The following HIBADH variants were observed in gnomAD, a reference collection of about 807,000 sequenced individuals.
HIBADH encodes 3-hydroxyisobutyrate dehydrogenase.
HIBADH carries 25 observed loss-of-function variants against 36.1 expected under a neutral mutation model. The ratio of observed to expected loss-of-function variants is 0.69; its 90% CI spans 0.50 to 0.97. HIBADH has a LOEUF of 0.97. Among genes scored for constraint, HIBADH ranks in the 50% least tolerant of loss-of-function variants. The pLI is 0.00. For missense variants in HIBADH, 421 were observed against 418.0 expected (o/e 1.01, Z -0.06); for synonymous variants, 160 against 149.5 (o/e 1.07, Z -0.51).
chr7:27,564,365 A>C (rs1423682809), intron 4 of HIBADH, among the ~76,000 whole-genome samples: 1 of 152,132 alleles, frequency 6.6e-6, no homozygotes, highest in Non-Finnish European at 1.5e-5. Flanking sequence ...ATAAGATGTG[A>C]GCTATAGATC....
chr7:27,620,152 A>G (rs12665991), intron 4 of HIBADH, among the ~76,000 whole-genome samples: 115,367 of 151,874 alleles, frequency 0.76, 44,285 homozygotes, highest in East Asian at 0.94. Context: ...AGATTCCATC[A>G]CTACAAAACT....
At chr7:27,621,183 C>A (rs1785535507) in intron 4 of HIBADH, among the ~76,000 whole-genome samples, 1 of 152,006 alleles carries the variant, frequency 6.6e-6, no homozygotes, top group Admixed American at 6.6e-5. Context: ...GATGATATAA[C>A]AATTCCAAAT....
In HIBADH at chr7:27,632,429, G is replaced by C. The variant is rs1201115010; in HGVS notation, c.269C>G (p.Ala90Gly). 6.2e-7 allele frequency: 1 copy of C among 1,612,482 alleles called. No individual in the cohort carries two copies. The highest frequency in any genetic ancestry group is 1.3e-5 in the African/African-American group (1 of 74,954). Reference sequence around the variant, plus strand: ...TCTGTCAGCTTTTTCAGCAACATCTGCTGGGGAAGATACTACCTTTAAAAA... The same window carrying C: ...TCTGTCAGCTTTTTCAGCAACATCTCCTGGGGAAGATACTACCTTTAAAAA... ...DAGEQVVSSP[A>G]DVAEKADRII... The change falls in exon 3 of 8, where the codon GCA becomes GGA. Residue 90 changes from alanine to glycine, a missense_variant. Ala to Gly is a moderately conservative substitution (Grantham distance 60). Transcript: ENST00000265395.
chr7:27,556,328 T>C (rs1784388187), intron 4 of HIBADH, among the ~76,000 whole-genome samples: 1 of 152,232 alleles, frequency 6.6e-6, no homozygotes, highest in African/African-American at 2.4e-5. Context: ...TTGTTAATTA[T>C]AGATTTTATG....
chr7:27,639,154 C>T (rs774199419), intron 2 of HIBADH, among the ~76,000 whole-genome samples: 1 of 152,156 alleles, frequency 6.6e-6, no homozygotes, highest in Non-Finnish European at 1.5e-5. Context: ...TTCATCATAG[C>T]ACTATTCACA....
At chr7:27,611,487 C>T (rs185080054) in intron 4 of HIBADH, among the ~76,000 whole-genome samples, 1 of 133,556 alleles carries the variant, frequency 7.5e-6, no homozygotes, top group Non-Finnish European at 1.6e-5. Context: ...AGACCCACTG[C>T]GTGTGTGCGC....
At chr7:27,584,210 T>C (rs899216209) in intron 4 of HIBADH, among the ~76,000 whole-genome samples, 1 of 152,134 alleles carries the variant, frequency 6.6e-6, no homozygotes, top group Non-Finnish European at 1.5e-5. Flanking sequence ...GAACTTTTTA[T>C]ACTATGTTAC....
At chr7:27,534,875 C>T (rs1243930610) in intron 6 of HIBADH, among the ~76,000 whole-genome samples, 2 of 151,528 alleles carry the variant, frequency 1.3e-5, no homozygotes, top group Non-Finnish European at 2.9e-5. Flanking sequence ...TATGGATTAA[C>T]TCACTTAATC....
chr7:27,576,927 T>TATAC (rs1784719194), intron 4 of HIBADH, among the ~76,000 whole-genome samples: 2 of 152,302 alleles, frequency 1.3e-5, no homozygotes, highest in South Asian at 4.1e-4. Context: ...ATTCACTGCC[T>TATAC]ATACACACGG....
chr7:27,553,625 G>C (rs772116640), intron 4 of HIBADH, among the ~76,000 whole-genome samples: 1 of 152,162 alleles, frequency 6.6e-6, no homozygotes, highest in Non-Finnish European at 1.5e-5. Context: ...GCAAATCAGA[G>C]ATGAAATGGT....
chr7:27,647,317 C>T (rs1786090979), intron 2 of HIBADH, among the ~76,000 whole-genome samples: 1 of 152,168 alleles, frequency 6.6e-6, no homozygotes, highest in Non-Finnish European at 1.5e-5. Flanking sequence ...CTACTCAGAA[C>T]GGCATGCAAT....
intron 4 of HIBADH, among the ~76,000 whole-genome samples, chr7:27,627,021 G>A (rs919663472): frequency 2.6e-5 from 4 of 152,072 alleles, no homozygotes; most frequent in African/African-American, 9.7e-5. Context: ...AGAGTTGATG[G>A]AGAACTACAA....
intron 2 of HIBADH, among the ~76,000 whole-genome samples, chr7:27,644,599 C>CA (rs57443714): frequency 7.5e-4 from 85 of 112,668 alleles, no homozygotes; most frequent in East Asian, 2.8e-3. Flanking sequence ...GACTCCATCT[C>CA]AAAAAAAAAA....
intron 4 of HIBADH, among the ~76,000 whole-genome samples, chr7:27,615,712 T>A (rs761462527): frequency 5.9e-5 from 9 of 152,188 alleles, no homozygotes; most frequent in Non-Finnish European, 2.9e-5. Context: ...TACTTGCTAA[T>A]GAAAATAAAA....
At chr7:27,586,764 G>A (rs1049026362) in intron 4 of HIBADH, among the ~76,000 whole-genome samples, 8 of 152,112 alleles carry the variant, frequency 5.3e-5, no homozygotes, top group Admixed American at 3.9e-4. Context: ...TGACCACCTC[G>A]ACTTTCCTGG....
chr7:27,619,213 A>G (rs1296489661), intron 4 of HIBADH, among the ~76,000 whole-genome samples: 2 of 152,220 alleles, frequency 1.3e-5, no homozygotes, highest in African/African-American at 4.8e-5. Flanking sequence ...ATTTACAGCC[A>G]AGGAAACCAT....
At chr7:27,535,732 T>C (rs1784062023) in intron 6 of HIBADH, among the ~76,000 whole-genome samples, 1 of 151,890 alleles carries the variant, frequency 6.6e-6, no homozygotes, top group Admixed American at 6.6e-5. Flanking sequence ...AAATATATTG[T>C]ATACCATATT....
At chr7:27,549,842 A>G (rs1784292311) in intron 4 of HIBADH, among the ~76,000 whole-genome samples, 1 of 152,204 alleles carries the variant, frequency 6.6e-6, no homozygotes, top group Non-Finnish European at 1.5e-5. Flanking sequence ...CTCAAGGCTT[A>G]AGTTATACAT....
intron 3 of HIBADH, 42 bp downstream of exon 3, chr7:27,632,294 A>C (rs1785760307): frequency 7.9e-7 from 1 of 1,261,854 alleles, no homozygotes; most frequent in East Asian, 2.3e-5. Context: ...AAATTCATGA[A>C]CTATCATAAC....
Sources: allele counts gnomAD v4.1 joint callset (sites outside exome capture counted in the v4.1 genomes callset), GRCh38; gene constraint gnomAD v4.1.1; transcripts MANE v1.5; gene names NCBI Gene and HGNC (gene_info 2026-07-23, HGNC 2026-07-21).